Variants in LHFPL3 observed in about 807,000 individuals in gnomAD.
The protein encoded by LHFPL3 is LHFPL tetraspan subfamily member 3.
LHFPL3 carries 5 observed loss-of-function variants against 19.3 expected under a neutral mutation model. The ratio of observed to expected loss-of-function variants is 0.26; its 90% CI spans 0.14 to 0.54. The LOEUF (loss-of-function observed/expected upper bound fraction) is 0.54, where lower values mean the gene tolerates loss of function less well. LHFPL3 is among the 20% of genes least tolerant of loss of function. The pLI is 0.94. For missense variants in LHFPL3, 249 were observed against 307.4 expected (o/e 0.81, Z 1.42); for synonymous variants, 133 against 126.2 (o/e 1.05, Z -0.36).
chr7:104,731,241 T>G (rs956768634), intron 1 of LHFPL3, among the ~76,000 whole-genome samples: 9 of 152,132 alleles, frequency 5.9e-5, no homozygotes, highest in Non-Finnish European at 1.2e-4. Flanking sequence ...CTTAAAGTAG[T>G]TTTTTCCAAT....
intron 2 of LHFPL3, among the ~76,000 whole-genome samples, chr7:104,816,477 C>T (rs143253067): frequency 2.6e-5 from 4 of 152,288 alleles, no homozygotes; most frequent in African/African-American, 9.6e-5. Flanking sequence ...CTACCTTGAA[C>T]CCATTCTATT....
intron 1 of LHFPL3, among the ~76,000 whole-genome samples, chr7:104,349,099 A>G (rs1314295662): frequency 1.3e-5 from 2 of 152,192 alleles, no homozygotes; most frequent in Non-Finnish European, 2.9e-5. Flanking sequence ...AACACAAGAC[A>G]TTTATAAATG....
intron 1 of LHFPL3, among the ~76,000 whole-genome samples, chr7:104,356,798 G>C (rs573897161): frequency 2.8e-4 from 43 of 151,782 alleles, no homozygotes; most frequent in Non-Finnish European, 6.0e-4. Context: ...TGAGAATCAA[G>C]AGTAGAATGT....
intron 1 of LHFPL3, among the ~76,000 whole-genome samples, chr7:104,489,960 C>A (rs1469571270): frequency 6.6e-6 from 1 of 152,158 alleles, no homozygotes; most frequent in Non-Finnish European, 1.5e-5. Context: ...TGGCCTACTG[C>A]AGGTCTAACT....
intron 1 of LHFPL3, among the ~76,000 whole-genome samples, chr7:104,570,223 CT>C (rs1433637313): frequency 1.3e-5 from 2 of 152,214 alleles, no homozygotes; most frequent in Non-Finnish European, 2.9e-5. Flanking sequence ...CTATTTCCAT[CT>C]TTTGCCTGCT....
intron 1 of LHFPL3, among the ~76,000 whole-genome samples, chr7:104,363,989 T>C (rs895418824): frequency 6.6e-6 from 1 of 152,242 alleles, no homozygotes; most frequent in Non-Finnish European, 1.5e-5. Flanking sequence ...TTGATTTTCC[T>C]ATGTGGTCTC....
chr7:104,333,104 T>C lies in LHFPL3; in HGVS notation c.445+3880T>C, dbSNP rs577933226. Among the ~76,000 whole-genome samples, 3 of 152,322 alleles carry C rather than the reference T, an allele frequency of 2.0e-5. No homozygotes were observed. In the East Asian group the frequency reaches 5.8e-4, roughly 29 times the overall value. ...CTGGGAACCTTATTTTCTGCTTCTA[T>C]GTTCTTGTTCTCTTTAAGTCAATAT... On this transcript the variant is annotated intron_variant, in intron 1 of 2. Transcript: ENST00000424859.
intron 1 of LHFPL3, among the ~76,000 whole-genome samples, chr7:104,521,727 G>T (rs1459266451): frequency 2.0e-5 from 3 of 152,082 alleles, no homozygotes; most frequent in Non-Finnish European, 4.4e-5. Flanking sequence ...GTGGTCGAAG[G>T]ACATGAACAG....
At chr7:104,510,273 A>C (rs1793784476) in intron 1 of LHFPL3, among the ~76,000 whole-genome samples, 1 of 152,174 alleles carries the variant, frequency 6.6e-6, no homozygotes. Context: ...GGAGTAGCTA[A>C]AACAACTTTG....
chr7:104,427,314 T>G (rs1482160339), intron 1 of LHFPL3, among the ~76,000 whole-genome samples: 1 of 152,252 alleles, frequency 6.6e-6, no homozygotes, highest in Non-Finnish European at 1.5e-5. Context: ...TTTCTAAATC[T>G]AATTTGAACT....
At chr7:104,349,766 T>A (rs1790139290) in intron 1 of LHFPL3, among the ~76,000 whole-genome samples, 1 of 152,244 alleles carries the variant, frequency 6.6e-6, no homozygotes, top group Admixed American at 6.5e-5. Context: ...TCTAACTTTT[T>A]GACATGCTAT....
At chr7:104,369,569 T>C (rs1790571365) in intron 1 of LHFPL3, among the ~76,000 whole-genome samples, 1 of 152,242 alleles carries the variant, frequency 6.6e-6, no homozygotes, top group African/African-American at 2.4e-5. Flanking sequence ...TTGGGTTGTA[T>C]GGTACATTTA....
intron 1 of LHFPL3, among the ~76,000 whole-genome samples, chr7:104,336,519 AAAAT>A (rs961199077): frequency 2.6e-5 from 4 of 152,150 alleles, no homozygotes; most frequent in African/African-American, 9.7e-5. Flanking sequence ...AAAAAAAAGA[AAAAT>A]AAGGGGCTTG....
intron 2 of LHFPL3, among the ~76,000 whole-genome samples, chr7:104,800,853 A>C (rs539595502): frequency 6.6e-6 from 1 of 152,298 alleles, no homozygotes; most frequent in South Asian, 2.1e-4. Flanking sequence ...ACAGGAGGCA[A>C]AGTGCAATAA....
At chr7:104,815,928 A>C (rs755217520) in intron 2 of LHFPL3, among the ~76,000 whole-genome samples, 2 of 152,194 alleles carry the variant, frequency 1.3e-5, no homozygotes, top group African/African-American at 2.4e-5. Flanking sequence ...GGATTCATGC[A>C]TGGAACTGCT....
In LHFPL3 at chr7:104,816,238, G is replaced by T. The variant is rs570583924; in HGVS notation, c.682+79327G>T. Among the ~76,000 whole-genome samples the T allele has an allele frequency of 1.1e-4, 16 of 152,202 alleles. No individual in the cohort carries two copies. In the South Asian group the frequency reaches 2.7e-3, roughly 26 times the overall value. On this transcript the variant is annotated intron_variant, in intron 2 of 2. Coordinates refer to ENST00000424859, the MANE Select transcript of LHFPL3 (RefSeq NM_199000.3). ...TTTTCCATAATTAGGCCCACTTGGG[G>T]CAAAAAGAATCAATCTAGGTAAAAA...
chr7:104,783,758 T>A (rs1287364734), intron 2 of LHFPL3, among the ~76,000 whole-genome samples: 1 of 152,180 alleles, frequency 6.6e-6, no homozygotes, highest in Non-Finnish European at 1.5e-5. Flanking sequence ...ACCAAGCTCA[T>A]CATCTTCCCA....
chr7:104,689,788 A>C (rs1300143260), intron 1 of LHFPL3, among the ~76,000 whole-genome samples: 1 of 152,128 alleles, frequency 6.6e-6, no homozygotes, highest in African/African-American at 2.4e-5. Flanking sequence ...AGGCTTATGG[A>C]GGTCAGGTAA....
chr7:104,529,690 A>G (rs1794258687), intron 1 of LHFPL3, among the ~76,000 whole-genome samples: 1 of 152,208 alleles, frequency 6.6e-6, no homozygotes, highest in South Asian at 2.1e-4. Context: ...AGTTGGATAT[A>G]GAAACTAATT....
Sources: gnomAD v4.1 joint callset for allele counts (sites outside exome capture counted in the v4.1 genomes callset) on GRCh38, gnomAD v4.1.1 for gene constraint, MANE v1.5 for transcripts, NCBI Gene and HGNC (gene_info 2026-07-23, HGNC 2026-07-21) for gene names.